CD300LB: variants seen among roughly 807,000 people sequenced by gnomAD.
CD300LB encodes the protein CMRF35-like molecule 7.
Under a neutral mutation model 20.8 loss-of-function variants are expected in CD300LB, and 18 were observed. The ratio of observed to expected loss-of-function variants is 0.87; its 90% confidence interval spans 0.60 to 1.28. CD300LB has a LOEUF of 1.28. Among genes scored for constraint, CD300LB ranks in the 50% most tolerant of loss-of-function variants. The pLI is 0.00. For synonymous variants in CD300LB, 91 were observed against 91.3 expected (o/e 1.00, Z 0.02); for missense variants, 222 against 251.8 (o/e 0.88, Z 0.80).
intron 3 of CD300LB, 35 bp from the exon 4 acceptor site, chr17:74,522,935 C>A (rs756677934): frequency 6.3e-7 from 1 of 1,595,868 alleles, no homozygotes; most frequent in South Asian, 1.1e-5. Flanking sequence ...GAGCCCTGGG[C>A]ATCCCCAGGC....
intron 1 of CD300LB, among the ~76,000 whole-genome samples, chr17:74,530,646 T>C (rs1380388831): frequency 6.6e-6 from 1 of 151,826 alleles, no homozygotes; most frequent in East Asian, 1.9e-4. Flanking sequence ...TGACCTTCCT[T>C]CTACAAGGCA....
At chr17:74,524,458 T>C (rs1406592033) in intron 2 of CD300LB, among the ~76,000 whole-genome samples, 1 of 152,062 alleles carries the variant, frequency 6.6e-6, no homozygotes, top group Non-Finnish European at 1.5e-5. Context: ...CGTGGTCATG[T>C]GCCCCTGTAG....
intron 2 of CD300LB, among the ~76,000 whole-genome samples, chr17:74,524,188 TGGGGGCAGTCTGGTCAG>T (rs960133234): frequency 5.3e-5 from 8 of 152,212 alleles, no homozygotes; most frequent in African/African-American, 1.9e-4. Context: ...GGCAATTTGT[TGGGGGCAGTCTGGTCAG>T]GGGGGCCCTG....
At position 74,522,887 on chromosome 17, in the gene CD300LB, G is replaced by A; in HGVS notation, c.457C>T (p.Leu153Phe). 2.5e-6 allele frequency: 4 copies of A among 1,613,732 alleles called. No homozygotes were observed. Among genetic ancestry groups the A allele is most frequent in the Non-Finnish European group, 3.4e-6 (4 of 1,179,988 alleles). ...IGSHKRNHYMLLVFVKVPILL... is the reference protein window; with the variant it reads ...IGSHKRNHYMFLVFVKVPILL... ...ATGGGCACCTTCACAAATACCAGGAGCATGTAGTGGTTCCTGGGGAAGGGG... is the reference window on the plus strand; with the variant it reads ...ATGGGCACCTTCACAAATACCAGGAACATGTAGTGGTTCCTGGGGAAGGGG... Residue 153 changes from leucine to phenylalanine, a missense_variant, in exon 4 of 4, where the codon CTC (leucine) becomes TTC (phenylalanine). By Grantham distance (22) the Leu-to-Phe change is conservative. Coordinates refer to ENST00000392621, the MANE Select transcript of CD300LB (RefSeq NM_174892.4).
At chr17:74,530,131 G>T (rs1908158953) in intron 1 of CD300LB, among the ~76,000 whole-genome samples, 2 of 152,236 alleles carry the variant, frequency 1.3e-5, no homozygotes, top group Admixed American at 1.3e-4. Context: ...GTCCAGCCAG[G>T]ACTGGAGTCG....
chr17:74,525,894 C>G lies in CD300LB; in HGVS notation c.224G>C (p.Arg75Pro). 1.2e-6 allele frequency: 2 copies of G among 1,614,134 alleles called. No homozygotes were observed. Among genetic ancestry groups the G allele is most frequent in the South Asian group, 1.1e-5 (1 of 91,086 alleles). The change falls in exon 2 of 4, where the codon CGT becomes CCT. Residue 75 changes from arginine to proline, a missense_variant. By Grantham distance (103) the Arg-to-Pro change is moderately radical. Coordinates refer to ENST00000392621, the MANE Select transcript of CD300LB (RefSeq NM_174892.4). Reference sequence around the variant, plus strand: ...TTTCTGATTGTCCTTGATGGACACACGGTCACTCTTCTCTCCTTGCTCCGA... The same window carrying G: ...TTTCTGATTGTCCTTGATGGACACAGGGTCACTCTTCTCTCCTTGCTCCGA... ...RGSEQGEKSD[R>P]VSIKDNQKDR... is the part of the protein sequence containing the mutation.
intron 1 of CD300LB, among the ~76,000 whole-genome samples, chr17:74,526,543 T>G (rs1163384209): frequency 6.6e-6 from 1 of 152,100 alleles, no homozygotes; most frequent in African/African-American, 2.4e-5. Context: ...TGAAACCCAG[T>G]CTTTACTAAA....
At position 74,531,451 on chromosome 17, in the gene CD300LB, C is replaced by A; in HGVS notation, c.-101G>T. 1 of 1,595,382 alleles carries A rather than the reference C, an allele frequency of 6.3e-7. No homozygotes were observed. Among genetic ancestry groups the A allele is most frequent in the Non-Finnish European group, 8.5e-7 (1 of 1,171,322 alleles). On this transcript the variant is annotated 5_prime_UTR_variant, in exon 1 of 4. In the 5' UTR this introduces an upstream ATG that the reference lacks. Transcript: ENST00000392621. ...GTTCTGCCTGAGCTCTGGCTTGCACCTTCTGCACATCTAGACCGCCTTTGA... is the reference window on the plus strand; with the variant it reads ...GTTCTGCCTGAGCTCTGGCTTGCACATTCTGCACATCTAGACCGCCTTTGA...
At chr17:74,526,291 C>T (rs931960856) in intron 1 of CD300LB, among the ~76,000 whole-genome samples, 1 of 152,202 alleles carries the variant, frequency 6.6e-6, no homozygotes, top group African/African-American at 2.4e-5. Context: ...TCAGTCCATT[C>T]CCCCACCAGC....
chr17:74,529,966 T>C (rs1235699280), intron 1 of CD300LB, among the ~76,000 whole-genome samples: 1 of 152,214 alleles, frequency 6.6e-6, no homozygotes, highest in Non-Finnish European at 1.5e-5. Context: ...AAAAAAATAT[T>C]TGGGGGTTTC....
chr17:74,525,666 C>G (rs138897301), intron 2 of CD300LB, 82 bp downstream of exon 2: 1 of 1,178,126 alleles, frequency 8.5e-7, no homozygotes, highest in Admixed American at 2.0e-5. Context: ...TCCCTTTCAG[C>G]CTTGGAGGGG....
In CD300LB at chr17:74,522,399, C is replaced by T. The variant is rs958098796; in HGVS notation, c.*339G>A. 9.7e-7 allele frequency: 1 copy of T among 1,033,242 alleles called. No individual in the cohort carries two copies. Among genetic ancestry groups the T allele is most frequent in the Non-Finnish European group, 1.2e-6 (1 of 860,648 alleles). 64.0% of individuals were successfully genotyped at this position (1,033,242 alleles called of 1,614,324 possible). On this transcript the variant is annotated 3_prime_UTR_variant, in exon 4 of 4. Transcript: ENST00000392621. ...GATGGAAGTCTAGGGCTGGGGGGGTCTCCCCCAACCTCTTTCTGTACTTTG... is the reference window on the plus strand; with the variant it reads ...GATGGAAGTCTAGGGCTGGGGGGGTTTCCCCCAACCTCTTTCTGTACTTTG...
chr17:74,523,261 C>A, intron 3 of CD300LB: 3 of 520,200 alleles, frequency 5.8e-6, no homozygotes, highest in Middle Eastern at 5.1e-4. Flanking sequence ...TTCTGTGTCC[C>A]TTGATGTCTT....
chr17:74,523,964 T>C (rs1907958825), intron 2 of CD300LB, among the ~76,000 whole-genome samples: 1 of 152,192 alleles, frequency 6.6e-6, no homozygotes, highest in Non-Finnish European at 1.5e-5. Flanking sequence ...GTGGGACTAT[T>C]GGATGGGGAA....
At chr17:74,524,996 C>T (rs867658389) in intron 2 of CD300LB, among the ~76,000 whole-genome samples, 4 of 152,148 alleles carry the variant, frequency 2.6e-5, no homozygotes, top group African/African-American at 7.2e-5. Context: ...GTTCTAAAGC[C>T]GGCATTGTCT....
At chr17:74,530,724 G>A (rs4789072) in intron 1 of CD300LB, among the ~76,000 whole-genome samples, 80,503 of 151,844 alleles carry the variant, frequency 0.53, 21,908 homozygotes, top group Middle Eastern at 0.68. Flanking sequence ...CTCCGCACAC[G>A]CCTCCACCAA....
intron 1 of CD300LB, among the ~76,000 whole-genome samples, chr17:74,527,031 A>G (rs1343271870): frequency 6.6e-6 from 1 of 152,188 alleles, no homozygotes; most frequent in Non-Finnish European, 1.5e-5. Context: ...TAGCTAGCCC[A>G]CCATTTACAA....
chr17:74,525,630 T>C, intron 2 of CD300LB, 118 bp downstream of exon 2: 1 of 866,566 alleles, frequency 1.2e-6, no homozygotes, highest in Non-Finnish European at 1.8e-6. Context: ...TGTCTCTCTC[T>C]CTCTCTCTCT....
At position 74,522,179 on chromosome 17, in the gene CD300LB, G is replaced by A. The variant is rs1442730098; in HGVS notation, c.*559C>T. ...GGACTCAGAGCCATGTCCTCCCTGGGGACAGGGTCCATCCAGCCCCTCATG... is the reference window on the plus strand; with the variant it reads ...GGACTCAGAGCCATGTCCTCCCTGGAGACAGGGTCCATCCAGCCCCTCATG... On this transcript the variant is annotated 3_prime_UTR_variant, in exon 4 of 4. Transcript: ENST00000392621. 1.0e-6 allele frequency: 1 copy of A among 985,508 alleles called. No individual in the cohort carries two copies. The highest frequency in any genetic ancestry group is 1.1e-4 in the East Asian group (1 of 8,810). 61.0% of individuals were successfully genotyped at this position (985,508 alleles called of 1,614,324 possible). A position where few individuals can be genotyped will look rare whatever the true frequency, so the allele number is the denominator to read the frequency against.
Sources: allele counts gnomAD v4.1 joint callset (sites outside exome capture counted in the v4.1 genomes callset), GRCh38; gene constraint gnomAD v4.1.1; transcripts MANE v1.5; gene names NCBI Gene and HGNC (gene_info 2026-07-23, HGNC 2026-07-21).